The following RYR2 variants were observed in gnomAD, a reference collection of about 807,000 sequenced individuals.
The protein encoded by RYR2 is ryanodine receptor 2.
In RYR2, 227 loss-of-function variants were observed where a neutral mutation model predicts 601.1. The observed-to-expected ratio is 0.38, with a 90% CI of 0.34 to 0.42. RYR2 has a LOEUF of 0.42. Among genes scored for constraint, RYR2 ranks in the 10% least tolerant of loss-of-function variants. The pLI is 1.00. For synonymous variants in RYR2, 2,223 were observed against 2,175.1 expected, an observed-to-expected ratio of 1.02 and a Z score of -0.61; for missense variants, 4,646 against 6,156.5, an observed-to-expected ratio of 0.75 and a Z score of 8.21.
intron 2 of RYR2, among the ~76,000 whole-genome samples, chr1:237,274,141 CTA>C (rs1366930727): frequency 1.4e-5 from 2 of 147,072 alleles, no homozygotes; most frequent in Admixed American, 6.9e-5. Context: ...CATATGATAA[CTA>C]TATATTTCTA....
intron 14 of RYR2, among the ~76,000 whole-genome samples, chr1:237,446,486 T>C (rs1708348324): frequency 6.6e-6 from 1 of 152,232 alleles, no homozygotes; most frequent in Non-Finnish European, 1.5e-5. Context: ...CAAACCTTTT[T>C]ACCAGTTTAT....
intron 79 of RYR2, among the ~76,000 whole-genome samples, chr1:237,738,978 T>A (rs1691379312): frequency 6.6e-6 from 1 of 152,224 alleles, no homozygotes; most frequent in South Asian, 2.1e-4. Flanking sequence ...ATATTTGATA[T>A]ATGAGTTACT....
chr1:237,297,942 T>TTTTTTA (rs1692961270), intron 2 of RYR2, among the ~76,000 whole-genome samples: 1 of 149,274 alleles, frequency 6.7e-6, no homozygotes, highest in Non-Finnish European at 1.5e-5. Flanking sequence ...TTTTTTTTTG[T>TTTTTTA]AGAGGTGTGG....
At chr1:237,164,043 T>C (rs574312422) in intron 1 of RYR2, among the ~76,000 whole-genome samples, 1 of 152,270 alleles carries the variant, frequency 6.6e-6, no homozygotes, top group East Asian at 1.9e-4. Flanking sequence ...CCCAGCACTT[T>C]GGGAGGCTGA....
At chr1:237,415,361 A>G (rs918975477) in intron 10 of RYR2, among the ~76,000 whole-genome samples, 1 of 152,194 alleles carries the variant, frequency 6.6e-6, no homozygotes, top group African/African-American at 2.4e-5. Flanking sequence ...TAACTTTTGC[A>G]CCAACTTACT....
At chr1:237,807,173 CAT>C (rs1377527150) in intron 99 of RYR2, among the ~76,000 whole-genome samples, 5 of 152,136 alleles carry the variant, frequency 3.3e-5, no homozygotes, top group Admixed American at 2.0e-4. Flanking sequence ...CACGGCAAGT[CAT>C]GGGTCTAGCG....
intron 100 of RYR2, among the ~76,000 whole-genome samples, chr1:237,816,246 T>C (rs1661810619): frequency 6.6e-6 from 1 of 152,094 alleles, no homozygotes; most frequent in Non-Finnish European, 1.5e-5. Context: ...GGAGGAGAGT[T>C]GCAAACACAA....
At chr1:237,810,544 A>G (rs1661140972) in intron 100 of RYR2, among the ~76,000 whole-genome samples, 1 of 152,222 alleles carries the variant, frequency 6.6e-6, no homozygotes, top group Non-Finnish European at 1.5e-5. Context: ...CAACAATTTT[A>G]GAGAAGTTTT....
chr1:237,349,381 G>A (rs1396074605), intron 3 of RYR2, among the ~76,000 whole-genome samples: 2 of 152,114 alleles, frequency 1.3e-5, no homozygotes, highest in African/African-American at 4.8e-5. Context: ...GTGAAGTAAA[G>A]ACATTTCCAG....
chr1:237,553,125 G>A (rs1408025490), intron 27 of RYR2, among the ~76,000 whole-genome samples: 1 of 151,826 alleles, frequency 6.6e-6, no homozygotes, highest in Non-Finnish European at 1.5e-5. Context: ...TATAGTTGTG[G>A]GTTCCTAGGA....
chr1:237,128,373 G>A (rs1671777714), intron 1 of RYR2, among the ~76,000 whole-genome samples: 1 of 152,186 alleles, frequency 6.6e-6, no homozygotes, highest in East Asian at 1.9e-4. Flanking sequence ...GGAAAGAGAG[G>A]GAGAGGCAGA....
chr1:237,116,360 C>T (rs1420760384), intron 1 of RYR2, among the ~76,000 whole-genome samples: 1 of 152,156 alleles, frequency 6.6e-6, no homozygotes, highest in Non-Finnish European at 1.5e-5. Context: ...TGGAGAGTCA[C>T]AGCTGGCTAA....
chr1:237,627,271 A>C (rs950429331), intron 40 of RYR2, among the ~76,000 whole-genome samples: 11 of 152,228 alleles, frequency 7.2e-5, no homozygotes, highest in Non-Finnish European at 1.0e-4. Flanking sequence ...TCACAATCAA[A>C]TCCTTTTGAA....
At chr1:237,114,386 A>G (rs2148606962) in intron 1 of RYR2, among the ~76,000 whole-genome samples, 1 of 152,358 alleles carries the variant, frequency 6.6e-6, no homozygotes, top group East Asian at 1.9e-4. Context: ...ACATTGTGTC[A>G]CATTAAGGCT....
intron 27 of RYR2, among the ~76,000 whole-genome samples, chr1:237,560,371 C>T (rs1272332478): frequency 1.3e-5 from 2 of 152,184 alleles, no homozygotes; most frequent in Non-Finnish European, 2.9e-5. Flanking sequence ...TGGGCAAGCT[C>T]TAAGTCAAGT....
chr1:237,788,727 T>TTTATATACTGTCCTGTACATTTTA (rs1203573540), intron 92 of RYR2, among the ~76,000 whole-genome samples: 1 of 152,208 alleles, frequency 6.6e-6, no homozygotes, highest in Admixed American at 6.5e-5. Context: ...ATTACAGTTC[T>TTTATATACTGTCCTGTACATTTTA]TTATATACTG....
intron 1 of RYR2, among the ~76,000 whole-genome samples, chr1:237,168,517 C>T (rs1393552328): frequency 6.6e-6 from 1 of 151,958 alleles, no homozygotes; most frequent in Non-Finnish European, 1.5e-5. Context: ...ATTTCCAAGC[C>T]TTCTGTTGTT....
intron 41 of RYR2, among the ~76,000 whole-genome samples, chr1:237,629,965 A>G (rs1680079408): frequency 6.6e-6 from 1 of 152,172 alleles, no homozygotes; most frequent in Non-Finnish European, 1.5e-5. Context: ...TAGAGTCTTT[A>G]TAATTGTATG....
At chr1:237,749,454 T>A (rs1273039137) in intron 80 of RYR2, among the ~76,000 whole-genome samples, 1 of 151,810 alleles carries the variant, frequency 6.6e-6, no homozygotes, top group African/African-American at 2.4e-5. Context: ...ATTATTATTA[T>A]TAATCAATTT....
Sources: gnomAD v4.1 joint callset for allele counts (sites outside exome capture counted in the v4.1 genomes callset) on GRCh38, gnomAD v4.1.1 for gene constraint, MANE v1.5 for transcripts, NCBI Gene and HGNC (gene_info 2026-07-23, HGNC 2026-07-21) for gene names.